The following PTPRT variants were observed in gnomAD, a reference collection of about 807,000 sequenced individuals.
The protein encoded by PTPRT is protein tyrosine phosphatase receptor type T, also known as receptor-type tyrosine-protein phosphatase T.
Under a neutral mutation model 176.8 loss-of-function variants are expected in PTPRT, and 56 were observed. The observed-to-expected ratio is 0.32, with a 90% CI of 0.26 to 0.40. PTPRT has a LOEUF of 0.40. Among genes scored for constraint, PTPRT ranks in the 10% least tolerant of loss-of-function variants. The pLI, the probability that PTPRT is intolerant of heterozygous loss-of-function variation, is 1.00. For missense variants in PTPRT, 1,540 were observed against 1,908.2 expected (o/e 0.81, Z 3.60); for synonymous variants, 783 against 739.0 (o/e 1.06, Z -0.96).
intron 7 of PTPRT, among the ~76,000 whole-genome samples, chr20:42,477,753 A>G (rs1255233210): frequency 6.6e-6 from 1 of 152,212 alleles, no homozygotes; most frequent in Non-Finnish European, 1.5e-5. Context: ...GATGACAAAC[A>G]GTGGGAAGAG....
chr20:42,335,182 T>C (rs2058023016), intron 11 of PTPRT, among the ~76,000 whole-genome samples: 1 of 152,146 alleles, frequency 6.6e-6, no homozygotes, highest in African/African-American at 2.4e-5. Context: ...AAGTAAAATG[T>C]GGGGCTGAAA....
chr20:42,619,984 G>C (rs1182389655), intron 7 of PTPRT, among the ~76,000 whole-genome samples: 1 of 149,734 alleles, frequency 6.7e-6, no homozygotes, highest in Non-Finnish European at 1.5e-5. Context: ...TTGCTGGTGA[G>C]GAACTGCGTT....
At chr20:42,895,646 T>C (rs971882919) in intron 1 of PTPRT, among the ~76,000 whole-genome samples, 4 of 152,178 alleles carry the variant, frequency 2.6e-5, no homozygotes, top group African/African-American at 9.6e-5. Context: ...ACAGAAACAA[T>C]ACAAAAAGAA....
rs150203581 is a variant in PTPRT at position 42,205,970 on chromosome 20, T to C, written c.2343-6582A>G. Among the ~76,000 whole-genome samples the C allele has an allele frequency of 2.0e-4, 30 of 152,252 alleles. 1 individual carries two copies. The East Asian group carries it at 5.4e-3, about 27-fold the overall frequency. On this transcript the variant is annotated intron_variant, in intron 15 of 30. Transcript: ENST00000373187. ...GGAACTATAGCATCTTCTCATTTCA[T>C]AGACAAGACACTGAGGCCTGGACAG...
At chr20:42,516,836 AT>A (rs1819386881) in intron 7 of PTPRT, among the ~76,000 whole-genome samples, 1 of 152,144 alleles carries the variant, frequency 6.6e-6, no homozygotes, top group African/African-American at 2.4e-5. Context: ...TCTCATATGA[AT>A]TCTAAGATTT....
At chr20:42,213,061 G>A (rs552567632) in intron 15 of PTPRT, among the ~76,000 whole-genome samples, 17 of 152,268 alleles carry the variant, frequency 1.1e-4, no homozygotes, top group African/African-American at 3.6e-4. Flanking sequence ...GAGCACCACC[G>A]ATGCGGAACA....
At chr20:42,662,886 A>T (rs1482559226) in intron 7 of PTPRT, among the ~76,000 whole-genome samples, 1 of 152,210 alleles carries the variant, frequency 6.6e-6, no homozygotes, top group Non-Finnish European at 1.5e-5. Context: ...AATCATTCAC[A>T]TTCACATTTG....
chr20:42,234,648 G>C (rs1238184994), intron 15 of PTPRT, among the ~76,000 whole-genome samples: 3 of 152,248 alleles, frequency 2.0e-5, no homozygotes, highest in Non-Finnish European at 2.9e-5. Context: ...CGTTATGCTA[G>C]TCTCTCAGAT....
intron 7 of PTPRT, among the ~76,000 whole-genome samples, chr20:42,645,150 T>C (rs2074860631): frequency 6.6e-6 from 1 of 152,060 alleles, no homozygotes; most frequent in South Asian, 2.1e-4. Flanking sequence ...TACTAGTAAG[T>C]CAAGACAGAG....
At chr20:42,662,961 AAT>A (rs202052265) in intron 7 of PTPRT, among the ~76,000 whole-genome samples, 81 of 114,908 alleles carry the variant, frequency 7.0e-4, no homozygotes, top group African/African-American at 3.3e-3. Context: ...TCAATACCTG[AAT>A]ATATGTGTGT....
chr20:42,999,607 GT>G (rs758925660), intron 1 of PTPRT, among the ~76,000 whole-genome samples: 14 of 139,446 alleles, frequency 1.0e-4, no homozygotes, highest in East Asian at 4.0e-4. Context: ...AAAACTTGTG[GT>G]TTTTTTTTTG....
intron 16 of PTPRT, among the ~76,000 whole-genome samples, chr20:42,182,907 G>GGTGTGTGTGTGTGTGTGTGT (rs10608197): frequency 2.1e-5 from 3 of 144,606 alleles, no homozygotes; most frequent in Non-Finnish European, 4.5e-5. Flanking sequence ...TACAAGCAGG[G>GGTGTGTGTGTGTGTGTGTGT]GTGTGTGTGT....
At chr20:43,051,645 A>AAAG (rs1009095352) in intron 1 of PTPRT, among the ~76,000 whole-genome samples, 1 of 151,224 alleles carries the variant, frequency 6.6e-6, no homozygotes, top group African/African-American at 2.4e-5. Context: ...AAAAAAAAAA[A>AAAG]AAAATCTACA....
chr20:42,971,729 GC>G (rs1354029105), intron 1 of PTPRT, among the ~76,000 whole-genome samples: 1 of 152,092 alleles, frequency 6.6e-6, no homozygotes, highest in Admixed American at 6.5e-5. Context: ...GCACAGGATC[GC>G]CAACACACAA....
At chr20:42,870,314 A>G (rs2078823053) in intron 2 of PTPRT, among the ~76,000 whole-genome samples, 1 of 152,210 alleles carries the variant, frequency 6.6e-6, no homozygotes, top group Non-Finnish European at 1.5e-5. Context: ...AGGTTCATCC[A>G]TGTTGTAGCA....
intron 1 of PTPRT, among the ~76,000 whole-genome samples, chr20:42,923,111 T>A (rs1979263581): frequency 1.3e-5 from 2 of 152,102 alleles, no homozygotes; most frequent in Admixed American, 6.5e-5. Flanking sequence ...CTGGTGCCAA[T>A]TCATACCTGT....
chr20:42,897,461 C>T (rs183320167), intron 1 of PTPRT, among the ~76,000 whole-genome samples: 4 of 152,238 alleles, frequency 2.6e-5, no homozygotes, highest in East Asian at 1.9e-4. Flanking sequence ...AGATCAGAGA[C>T]GTGTTTCGAC....
chr20:42,797,507 C>G (rs913462152), intron 2 of PTPRT, among the ~76,000 whole-genome samples: 3 of 152,062 alleles, frequency 2.0e-5, no homozygotes, highest in African/African-American at 7.2e-5. Context: ...ACCCCCACCC[C>G]TCCTGCCTCT....
intron 6 of PTPRT, among the ~76,000 whole-genome samples, chr20:42,699,766 A>C (rs2075945798): frequency 6.6e-6 from 1 of 152,022 alleles, no homozygotes; most frequent in East Asian, 1.9e-4. Context: ...TCATGCTTGC[A>C]CTCCTCACTA....
Sources: gnomAD v4.1 joint callset for allele counts (sites outside exome capture counted in the v4.1 genomes callset) on GRCh38, gnomAD v4.1.1 for gene constraint, MANE v1.5 for transcripts, NCBI Gene and HGNC (gene_info 2026-07-23, HGNC 2026-07-21) for gene names.